GAB2: variants seen among roughly 807,000 people sequenced by gnomAD.
GAB2 encodes the protein GRB2 associated binding protein 2.
GAB2 carries 26 observed loss-of-function variants against 65.5 expected under a neutral mutation model. That is an observed-to-expected ratio of 0.40 (90% CI 0.29 to 0.55). The LOEUF (loss-of-function observed/expected upper bound fraction) is 0.55. GAB2 is among the 20% of genes least tolerant of loss of function. The probability of loss-of-function intolerance (pLI) is 0.53; values close to 1 mark genes in which losing one functional copy is unlikely to be tolerated. For synonymous variants in GAB2, 321 were observed against 329.6 expected (o/e 0.97, Z 0.28); for missense variants, 884 against 875.8 (o/e 1.01, Z -0.12).
chr11:78,383,615 A>T (rs1856727090), intron 1 of GAB2, among the ~76,000 whole-genome samples: 1 of 150,042 alleles, frequency 6.7e-6, no homozygotes, highest in Admixed American at 6.7e-5. Context: ...AAAATTAGCC[A>T]GGTGTGGTGG....
At chr11:78,343,944 G>C (rs1448320950) in intron 1 of GAB2, among the ~76,000 whole-genome samples, 1 of 151,934 alleles carries the variant, frequency 6.6e-6, no homozygotes, top group Non-Finnish European at 1.5e-5. Flanking sequence ...TAGCCAGAAG[G>C]TACCATACTG....
chr11:78,280,488 C>T (rs1017593691), intron 2 of GAB2, 113 bp downstream of exon 2: 31 of 858,760 alleles, frequency 3.6e-5, no homozygotes, highest in Non-Finnish European at 5.6e-5. Context: ...TACCCTTTAT[C>T]TATGAACGCT....
rs1435341248 is a variant in GAB2 at position 78,218,619 on chromosome 11, A to G, written c.*653T>C. The G allele has an allele frequency of 6.5e-6, 1 of 153,324 alleles. No homozygotes were observed. Among genetic ancestry groups the G allele is most frequent in the East Asian group, 1.9e-4 (1 of 5,212 alleles). 9.5% of individuals were successfully genotyped at this position (153,324 alleles called of 1,614,324 possible). A position where few individuals can be genotyped will look rare whatever the true frequency, so the allele number is the denominator to read the frequency against. On this transcript the variant is annotated 3_prime_UTR_variant, in exon 10 of 10. Coordinates refer to ENST00000361507, the MANE Select transcript of GAB2 (RefSeq NM_080491.3). ...TGCACCCCACAGCAGCTGTCCTGCC[A>G]TGGCCTCAGCCTCAAAGTGGGTTCC... is the stretch of plus-strand genomic sequence containing the variant.
intron 5 of GAB2, 81 bp downstream of exon 5, chr11:78,225,027 G>T: frequency 3.6e-6 from 3 of 832,366 alleles, no homozygotes; most frequent in South Asian, 1.5e-5. Context: ...AATCTTTTGG[G>T]GTTGTGCTTT....
chr11:78,399,150 A>G (rs989800112), intron 1 of GAB2, among the ~76,000 whole-genome samples: 8 of 152,344 alleles, frequency 5.3e-5, no homozygotes, highest in Non-Finnish European at 1.2e-4. Flanking sequence ...GTTGTAAAGA[A>G]TATCAGCGAC....
intron 2 of GAB2, among the ~76,000 whole-genome samples, chr11:78,276,179 A>G (rs1866166086): frequency 6.6e-6 from 1 of 151,502 alleles, no homozygotes; most frequent in Admixed American, 6.6e-5. Flanking sequence ...GCATGCCTGT[A>G]GTCCCAGCTA....
At chr11:78,310,396 C>G (rs1455426636) in intron 1 of GAB2, among the ~76,000 whole-genome samples, 2 of 150,268 alleles carry the variant, frequency 1.3e-5, no homozygotes, top group Non-Finnish European at 3.0e-5. Context: ...GCCTGTAGTC[C>G]CAGCTACTCG....
intron 2 of GAB2, among the ~76,000 whole-genome samples, chr11:78,272,903 C>T (rs1057495561): frequency 4.0e-5 from 6 of 151,850 alleles, no homozygotes; most frequent in Admixed American, 2.0e-4. Context: ...TCACTCCATC[C>T]GTGACTAAAA....
chr11:78,354,333 T>C (rs1489836510), intron 1 of GAB2, among the ~76,000 whole-genome samples: 1 of 152,302 alleles, frequency 6.6e-6, no homozygotes, highest in East Asian at 1.9e-4. Context: ...AATTCATAAA[T>C]TGTTTAGATC....
chr11:78,327,392 A>T (rs895553649), intron 1 of GAB2, among the ~76,000 whole-genome samples: 2 of 152,230 alleles, frequency 1.3e-5, no homozygotes, highest in Admixed American at 1.3e-4. Flanking sequence ...GAGATGTTTC[A>T]TATGAAAATA....
intron 1 of GAB2, among the ~76,000 whole-genome samples, chr11:78,368,330 T>C (rs939242982): frequency 2.6e-5 from 4 of 152,220 alleles, no homozygotes; most frequent in African/African-American, 9.6e-5. Context: ...TTAATTCTGA[T>C]CTACTCTATA....
In GAB2 at chr11:78,359,304, T is replaced by C. The variant is rs1297385628; in HGVS notation, c.75+58342A>G. ...AACCACATATGGTAATGAAATTGAA[T>C]ACCAAAGACAAAAAAGAAGACATTA... is the stretch of plus-strand genomic sequence containing the variant. On this transcript the variant is annotated intron_variant, in intron 1 of 9. Transcript: ENST00000361507. Among the ~76,000 whole-genome samples, 3 of 151,950 alleles carry C rather than the reference T, an allele frequency of 2.0e-5. No individual in the cohort carries two copies. The East Asian group carries it at 5.8e-4, about 29-fold the overall frequency.
intron 1 of GAB2, among the ~76,000 whole-genome samples, chr11:78,307,363 A>G (rs538475132): frequency 1.3e-5 from 2 of 152,354 alleles, no homozygotes; most frequent in East Asian, 3.9e-4. Context: ...TTTTTGTTCA[A>G]TAATAAAAGC....
At chr11:78,311,833 A>G (rs1024033292) in intron 1 of GAB2, among the ~76,000 whole-genome samples, 2 of 152,210 alleles carry the variant, frequency 1.3e-5, no homozygotes, top group Non-Finnish European at 2.9e-5. Context: ...GTGGGCAAGA[A>G]GAGGTGCCTA....
intron 1 of GAB2, among the ~76,000 whole-genome samples, chr11:78,393,078 G>A (rs979070580): frequency 6.6e-6 from 1 of 152,066 alleles, no homozygotes; most frequent in Non-Finnish European, 1.5e-5. Context: ...GTTGAGGGAA[G>A]ATAAATCTCC....
chr11:78,307,612 G>GAGAGAGAGAGAGCGAGAGAC (rs1855393943), intron 1 of GAB2, among the ~76,000 whole-genome samples: 2 of 151,534 alleles, frequency 1.3e-5, no homozygotes, highest in African/African-American at 4.9e-5. Flanking sequence ...GTTAGAGAGA[G>GAGAGAGAGAGAGCGAGAGAC]AGAGAGAGAG....
chr11:78,383,960 G>GA (rs1214193698), intron 1 of GAB2, among the ~76,000 whole-genome samples: 6 of 152,130 alleles, frequency 3.9e-5, no homozygotes, highest in Non-Finnish European at 8.8e-5. Flanking sequence ...CAGTGGTGCA[G>GA]GAGCAGAGAG....
At chr11:78,300,723 C>T (rs1866993100) in intron 1 of GAB2, among the ~76,000 whole-genome samples, 1 of 135,094 alleles carries the variant, frequency 7.4e-6, no homozygotes, top group African/African-American at 2.9e-5. Flanking sequence ...GAGACAGAGC[C>T]TCACTCTGTT....
intron 1 of GAB2, among the ~76,000 whole-genome samples, chr11:78,356,874 G>A (rs1433153774): frequency 3.9e-5 from 6 of 152,176 alleles, no homozygotes; most frequent in Non-Finnish European, 7.3e-5. Flanking sequence ...GAAGACTTAC[G>A]CTAAGTGAAA....
Sources: allele counts gnomAD v4.1 joint callset (sites outside exome capture counted in the v4.1 genomes callset), GRCh38; gene constraint gnomAD v4.1.1; transcripts MANE v1.5; gene names NCBI Gene and HGNC (gene_info 2026-07-23, HGNC 2026-07-21).